SGCD: variants seen among roughly 807,000 people sequenced by gnomAD.
SGCD encodes the protein delta-sarcoglycan.
In SGCD, 18 loss-of-function variants were observed where a neutral mutation model predicts 36.6. That is an observed-to-expected ratio of 0.49 (90% CI 0.34 to 0.73). SGCD has a LOEUF of 0.73. Among genes scored for constraint, SGCD ranks in the 30% least tolerant of loss-of-function variants. The pLI, the probability that SGCD is intolerant of heterozygous loss-of-function variation, is 0.01. For synonymous variants in SGCD, 133 were observed against 130.6 expected, an observed-to-expected ratio of 1.02 and a Z score of -0.12; for missense variants, 387 against 346.7, an observed-to-expected ratio of 1.12 and a Z score of -0.92.
intron 1 of SGCD, among the ~76,000 whole-genome samples, chr5:155,912,226 C>A (rs189763543): frequency 6.0e-4 from 92 of 152,110 alleles, no homozygotes; most frequent in African/African-American, 2.1e-3. Context: ...TGTGCTCAAG[C>A]AGCTCTACAG....
chr5:156,050,135 T>C (rs1759877890), intron 1 of SGCD, among the ~76,000 whole-genome samples: 1 of 146,804 alleles, frequency 6.8e-6, no homozygotes, highest in African/African-American at 2.5e-5. Context: ...TTGGGTAAAA[T>C]ACTCTCAATC....
chr5:156,151,450 T>C (rs73811509), intron 3 of SGCD, among the ~76,000 whole-genome samples: 8,389 of 151,770 alleles, frequency 0.055, 772 homozygotes, highest in African/African-American at 0.16. Context: ...TTTAGAAATG[T>C]GTAGTGCTCT....
intron 3 of SGCD, among the ~76,000 whole-genome samples, chr5:156,270,295 T>C (rs1255035617): frequency 6.6e-6 from 1 of 152,186 alleles, no homozygotes; most frequent in East Asian, 1.9e-4. Flanking sequence ...TGAAGCCAGG[T>C]AGCATGATGC....
chr5:155,874,141 G>A (rs1415291330), intron 1 of SGCD, among the ~76,000 whole-genome samples: 1 of 152,056 alleles, frequency 6.6e-6, no homozygotes, highest in African/African-American at 2.4e-5. Context: ...TTCAAAAGAA[G>A]GGGATAGGAG....
chr5:156,073,184 T>TA (rs1034869180), intron 1 of SGCD, among the ~76,000 whole-genome samples: 1 of 152,140 alleles, frequency 6.6e-6, no homozygotes, highest in Non-Finnish European at 1.5e-5. Flanking sequence ...AACTTGCTTG[T>TA]AAAAAATGAC....
chr5:156,202,931 T>A (rs1441452866), intron 3 of SGCD, among the ~76,000 whole-genome samples: 2 of 152,020 alleles, frequency 1.3e-5, no homozygotes, highest in Non-Finnish European at 2.9e-5. Context: ...TCTACAAAAA[T>A]TGAATTTTCA....
chr5:155,920,019 A>G (rs538760076), intron 1 of SGCD, among the ~76,000 whole-genome samples: 34 of 152,260 alleles, frequency 2.2e-4, no homozygotes, highest in African/African-American at 7.7e-4. Context: ...TGCATGACAC[A>G]TAGCAGGACA....
intron 7 of SGCD, among the ~76,000 whole-genome samples, chr5:156,655,564 C>T (rs1763639513): frequency 6.6e-6 from 1 of 152,044 alleles, no homozygotes; most frequent in African/African-American, 2.4e-5. Context: ...TGCTTTTCTC[C>T]AGACAAATAA....
At chr5:156,404,257 TTCTC>T (rs1406625448) in intron 3 of SGCD, among the ~76,000 whole-genome samples, 6 of 152,350 alleles carry the variant, frequency 3.9e-5, no homozygotes, top group African/African-American at 1.4e-4. Flanking sequence ...TTCATAGGCA[TTCTC>T]TCTATTTGTC....
At chr5:155,728,848 A>G in the SGCD span, among the ~76,000 whole-genome samples, 1 of 152,154 alleles carries the variant, frequency 6.6e-6, no homozygotes, top group African/African-American at 2.4e-5. Flanking sequence ...CACCCATGGG[A>G]TCGACTGCCC....
chr5:155,753,748 A>G, the SGCD span, among the ~76,000 whole-genome samples: 7 of 152,252 alleles, frequency 4.6e-5, no homozygotes, highest in South Asian at 4.1e-4. Context: ...TCAGTTCTCA[A>G]TCGTGTAGGG....
intron 3 of SGCD, among the ~76,000 whole-genome samples, chr5:156,264,469 A>T (rs1220742565): frequency 6.6e-6 from 1 of 152,160 alleles, no homozygotes; most frequent in Non-Finnish European, 1.5e-5. Flanking sequence ...TGTAATAATT[A>T]TATTTTAGTT....
At chr5:156,371,190 T>G (rs1004575364) in intron 3 of SGCD, among the ~76,000 whole-genome samples, 2 of 152,192 alleles carry the variant, frequency 1.3e-5, no homozygotes, top group African/African-American at 4.8e-5. Flanking sequence ...TAAGCAGAAT[T>G]GAGACCAATT....
chr5:156,293,363 C>G (rs1307085328), intron 3 of SGCD, among the ~76,000 whole-genome samples: 1 of 151,920 alleles, frequency 6.6e-6, no homozygotes, highest in East Asian at 1.9e-4. Context: ...CTTGCCTTTG[C>G]CTTTGGTGTC....
intron 3 of SGCD, among the ~76,000 whole-genome samples, chr5:156,297,037 A>G (rs977881226): frequency 1.3e-5 from 2 of 151,458 alleles, no homozygotes; most frequent in Non-Finnish European, 2.9e-5. Context: ...ATAAATATAT[A>G]TATATATATG....
chr5:156,293,149 G>A (rs10054192), intron 3 of SGCD, among the ~76,000 whole-genome samples: 19,499 of 151,624 alleles, frequency 0.13, 2,968 homozygotes, highest in African/African-American at 0.37. Context: ...ATCATAGTGC[G>A]CTACAACCTC....
intron 1 of SGCD, among the ~76,000 whole-genome samples, chr5:155,971,701 G>A (rs1174452608): frequency 6.6e-6 from 1 of 151,982 alleles, no homozygotes; most frequent in African/African-American, 2.4e-5. Flanking sequence ...ATATTACCTG[G>A]GAATTGTCCA....
At chr5:156,164,939 C>T (rs947820432) in intron 3 of SGCD, among the ~76,000 whole-genome samples, 1 of 152,200 alleles carries the variant, frequency 6.6e-6, no homozygotes, top group East Asian at 1.9e-4. Context: ...CCTCAGTTTT[C>T]TCCTCTGGAA....
intron 1 of SGCD, among the ~76,000 whole-genome samples, chr5:155,905,472 G>T (rs918395797): frequency 6.6e-6 from 1 of 152,156 alleles, no homozygotes; most frequent in Non-Finnish European, 1.5e-5. Flanking sequence ...CTGATGACCT[G>T]AAAGGGAATG....
Sources: gnomAD v4.1 joint callset for allele counts (sites outside exome capture counted in the v4.1 genomes callset) on GRCh38, gnomAD v4.1.1 for gene constraint, MANE v1.5 for transcripts, NCBI Gene and HGNC (gene_info 2026-07-23, HGNC 2026-07-21) for gene names.